The following BANP variants were observed in gnomAD, a reference collection of about 807,000 sequenced individuals.
BANP encodes protein BANP.
A neutral mutation model predicts 68.1 loss-of-function variants in BANP; 11 were observed. The ratio of observed to expected loss-of-function variants is 0.16; its 90% CI spans 0.10 to 0.27. The LOEUF is 0.27. Ranked by LOEUF, BANP falls within the 10% of genes least tolerant of loss-of-function variation. The pLI is 1.00. For missense variants in BANP, 504 were observed against 722.7 expected (o/e 0.70, Z 3.47); for synonymous variants, 329 against 303.2 (o/e 1.09, Z -0.88).
rs1357312488 is a variant in BANP at position 88,064,554 on chromosome 16, G to C, written c.1312-713G>C. 6.6e-6 allele frequency among the ~76,000 whole-genome samples: 1 copy of C among 152,262 alleles called. No homozygotes were observed. The highest frequency in any genetic ancestry group is 6.5e-5 in the Admixed American group (1 of 15,292). On this transcript the variant is annotated intron_variant, in intron 11 of 13. Coordinates refer to ENST00000682872, the MANE Select transcript of BANP (RefSeq NM_001386991.1). The surrounding 1 kb of genome is among the most constrained non-coding windows in gnomAD (Gnocchi z 4.5). ...CCAGGCCAGCATCGGGTTGGCTGAG[G>C]GTTTGCCGAGGAGAGGGCATCGCCA...
intron 11 of BANP, among the ~76,000 whole-genome samples, chr16:88,038,345 A>G (rs2079916748): frequency 6.6e-6 from 1 of 152,044 alleles, no homozygotes; most frequent in African/African-American, 2.4e-5. Context: ...CCAGAGCAGG[A>G]CTGGCTTTCC....
rs2070211212 is a variant in BANP, at chr16:88,004,019, G to A, written c.363-276G>A. On this transcript the variant is annotated intron_variant, in intron 4 of 13. Coordinates refer to ENST00000682872, the MANE Select transcript of BANP (RefSeq NM_001386991.1). This position sits in a 1 kb window ranked among gnomAD's most constrained non-coding sequence, Gnocchi z 7.0. ...CAAGTTCAGCATCCTCAGCCCAGCT[G>A]TCCTGTGCTATCCAGTTGTGCAGAC... 2.5e-6 allele frequency: 1 copy of A among 400,978 alleles called. No individual in the cohort carries two copies. Among genetic ancestry groups the A allele is most frequent in the Non-Finnish European group, 4.7e-6 (1 of 214,482 alleles). 24.8% of individuals were successfully genotyped at this position (400,978 alleles called of 1,614,324 possible).
At chr16:87,984,514 A>T (rs2063911894) in intron 4 of BANP, among the ~76,000 whole-genome samples, 1 of 152,168 alleles carries the variant, frequency 6.6e-6, no homozygotes, top group Non-Finnish European at 1.5e-5. Context: ...TTTTCTTTGG[A>T]ACTAACCCAC....
chr16:88,028,565 G>T (rs1405219346), intron 8 of BANP, among the ~76,000 whole-genome samples: 1 of 152,226 alleles, frequency 6.6e-6, no homozygotes, highest in Non-Finnish European at 1.5e-5. Context: ...TGTCCCTAAA[G>T]CAGCGCTTTA....
intron 8 of BANP, 101 bp downstream of exon 8, chr16:88,027,751 G>A (rs1327411176): frequency 7.1e-7 from 1 of 1,402,016 alleles, no homozygotes; most frequent in African/African-American, 1.5e-5. Context: ...GGCTCCACCA[G>A]TGGCCGGGAG....
At chr16:88,058,941 C>T (rs914384473) in intron 11 of BANP, among the ~76,000 whole-genome samples, 1 of 152,170 alleles carries the variant, frequency 6.6e-6, no homozygotes, top group Admixed American at 6.5e-5. Flanking sequence ...CCTTCTGCCT[C>T]CTGGTGGGCC....
chr16:88,052,519 A>G (rs1657194863), intron 11 of BANP, among the ~76,000 whole-genome samples: 1 of 151,966 alleles, frequency 6.6e-6, no homozygotes, highest in Non-Finnish European at 1.5e-5. Flanking sequence ...ATGATTCCTG[A>G]ACATTGCCTG....
At chr16:87,958,729 C>T (rs535888897) in intron 1 of BANP, among the ~76,000 whole-genome samples, 4 of 152,168 alleles carry the variant, frequency 2.6e-5, no homozygotes, top group Non-Finnish European at 5.9e-5. Context: ...AAACTATTCC[C>T]GTTAAGCCGC....
Position 88,069,472 on chromosome 16 carries a change from C to T in BANP, c.1378-2597C>T, listed in dbSNP as rs73235255. Among the ~76,000 whole-genome samples, 934 of 152,366 alleles carry T rather than the reference C, an allele frequency of 6.1e-3. 13 individuals carry two copies. Among genetic ancestry groups the T allele is most frequent in the African/African-American group, 0.021 (881 of 41,578 alleles). On this transcript the variant is annotated intron_variant, in intron 12 of 13. Coordinates refer to ENST00000682872, the MANE Select transcript of BANP (RefSeq NM_001386991.1). ...AGTCCCCGCCTTCTCTCTCTGCTCC[C>T]TCTCGAAGAACCCAGGCTGGAGGGA...
intron 4 of BANP, among the ~76,000 whole-genome samples, chr16:87,992,381 G>T (rs1420691896): frequency 6.6e-6 from 1 of 152,164 alleles, no homozygotes; most frequent in Non-Finnish European, 1.5e-5. Flanking sequence ...CTGGGAGGCT[G>T]CCCCTTATTG....
At chr16:88,047,316 G>C (rs73250807) in intron 11 of BANP, among the ~76,000 whole-genome samples, 24,916 of 152,150 alleles carry the variant, frequency 0.16, 2,418 homozygotes, top group South Asian at 0.33. Context: ...CCAGTTCCTT[G>C]GCGAAAACTG....
intron 11 of BANP, among the ~76,000 whole-genome samples, chr16:88,043,170 A>T (rs1454117519): frequency 1.3e-5 from 2 of 152,038 alleles, no homozygotes; most frequent in Admixed American, 1.3e-4. Context: ...TCATGCACCT[A>T]ATCTGCTGCC....
chr16:87,989,731 G>A (rs576540209), intron 4 of BANP, among the ~76,000 whole-genome samples: 2 of 137,814 alleles, frequency 1.5e-5, no homozygotes, highest in East Asian at 2.4e-4. Flanking sequence ...GCAGGCCCGC[G>A]TGGCTGCGCG....
At chr16:88,006,336 T>G in intron 6 of BANP, 71 bp downstream of exon 6, 2 of 1,507,870 alleles carry the variant, frequency 1.3e-6, no homozygotes, top group East Asian at 4.6e-5. Context: ...TTTTAGAAAT[T>G]TTGTTGTTTT....
At chr16:88,066,007 C>A (rs374501185) in intron 12 of BANP, among the ~76,000 whole-genome samples, 1 of 152,194 alleles carries the variant, frequency 6.6e-6, no homozygotes, top group African/African-American at 2.4e-5. Context: ...TGTGCACCTG[C>A]GCCTGTGGCT....
intron 7 of BANP, among the ~76,000 whole-genome samples, chr16:88,023,065 C>T (rs2076314039): frequency 6.6e-6 from 1 of 152,208 alleles, no homozygotes; most frequent in Admixed American, 6.5e-5. Flanking sequence ...AATGGTGAGG[C>T]TGCCCTATAT....
At chr16:88,052,568 C>T (rs367556954) in intron 11 of BANP, among the ~76,000 whole-genome samples, 166 of 152,052 alleles carry the variant, frequency 1.1e-3, no homozygotes, top group African/African-American at 3.9e-3. Flanking sequence ...TCACCTCCAC[C>T]TACTACCACT....
At position 88,039,434 on chromosome 16, in the gene BANP, AC is replaced by A. The variant is rs1219201706; in HGVS notation, c.1311+1424del. ...TGGCGGTCCGTCTTCGTTTTCTGCA[AC>A]ATAGTGGTTTATGGTTCTGCTGGTA... is the stretch of plus-strand genomic sequence containing the variant. On this transcript the variant is annotated intron_variant, in intron 11 of 13. Transcript: ENST00000682872. 3.5e-5 allele frequency among the ~76,000 whole-genome samples: 5 copies of A among 144,812 alleles called. No individual in the cohort carries two copies. The East Asian group carries it at 8.0e-4, about 23-fold the overall frequency.
In BANP at chr16:88,003,422, A is replaced by G. The variant is rs1417645498; in HGVS notation, c.363-873A>G. 2.2e-6 allele frequency: 1 copy of G among 455,788 alleles called. No individual in the cohort carries two copies. The highest frequency in any genetic ancestry group is 4.4e-6 in the Non-Finnish European group (1 of 226,884). The allele number at this position is 455,788 out of a possible 1,614,324, so 28.2% of individuals were successfully genotyped here. On this transcript the variant is annotated intron_variant, in intron 4 of 13. Coordinates refer to ENST00000682872, the MANE Select transcript of BANP (RefSeq NM_001386991.1). The surrounding 1 kb of genome is among the most constrained non-coding windows in gnomAD (Gnocchi z 6.1). The stretch of plus-strand genomic sequence containing the variant: ...TTTGGAGAGTGAAATCCAAGAATGG[A>G]GTTTTATTGTCAGGTGATAATCACG...
Sources: allele counts gnomAD v4.1 joint callset (sites outside exome capture counted in the v4.1 genomes callset), GRCh38; gene constraint gnomAD v4.1.1; non-coding constraint Gnocchi (gnomAD v3.1); transcripts MANE v1.5; gene names NCBI Gene and HGNC (gene_info 2026-07-23, HGNC 2026-07-21).